The following USP2 variants were observed in gnomAD, a reference collection of about 807,000 sequenced individuals.
The protein encoded by USP2 is ubiquitin specific peptidase 2, also known as ubiquitin carboxyl-terminal hydrolase 2.
In USP2, 33 loss-of-function variants were observed where a neutral mutation model predicts 72.0. The observed-to-expected ratio is 0.46, with a 90% CI of 0.35 to 0.61. The LOEUF is 0.61. USP2 is among the 20% of genes least tolerant of loss of function. The probability of loss-of-function intolerance (pLI) is 0.01; values close to 1 mark genes in which losing one functional copy is unlikely to be tolerated. For missense variants in USP2, 691 were observed against 797.8 expected, an observed-to-expected ratio of 0.87 and a Z score of 1.61; for synonymous variants, 296 against 312.5, an observed-to-expected ratio of 0.95 and a Z score of 0.56.
At chr11:119,360,457 G>T (rs1355644935) in intron 2 of USP2, 8 of 599,380 alleles carry the variant, frequency 1.3e-5, no homozygotes, top group South Asian at 1.1e-4. Flanking sequence ...GGAATCTCAC[G>T]CTGTCACCCA....
intron 4 of USP2, 38 bp downstream of exon 4, chr11:119,359,499 C>T (rs765852095): frequency 1.2e-5 from 19 of 1,611,452 alleles, no homozygotes; most frequent in African/African-American, 4.0e-5. Flanking sequence ...GAGGAGCATC[C>T]GGGGGTAGGC....
chr11:119,356,786 A>T lies in USP2; in HGVS notation c.*49T>A. 6.7e-7 allele frequency: 1 copy of T among 1,486,764 alleles called. No individual in the cohort carries two copies. The highest frequency in any genetic ancestry group is 9.0e-7 in the Non-Finnish European group (1 of 1,110,428). 92.1% of individuals were successfully genotyped at this position (1,486,764 alleles called of 1,614,324 possible). A position where few individuals can be genotyped will look rare whatever the true frequency, so the allele number is the denominator to read the frequency against. ...TTGTTTTTGTCTTTTTAAAAAATTTAGGGAGCGGGGCCACCACGGGGAAGG... is the reference window on the plus strand; with the variant it reads ...TTGTTTTTGTCTTTTTAAAAAATTTTGGGAGCGGGGCCACCACGGGGAAGG... On this transcript the variant is annotated 3_prime_UTR_variant, in exon 13 of 13. Transcript: ENST00000260187.
rs112316573 is a variant in USP2 at position 119,366,014 on chromosome 11, C to T, written c.775-5780G>A. ...GGTTCAAACAATTCTCCTGCCTCAG[C>T]TTCCTGAGTAGCTGGGATTACAGGT... On this transcript the variant is annotated intron_variant, in intron 2 of 12. Transcript: ENST00000260187. Among the ~76,000 whole-genome samples, 1,294 of 152,044 alleles carry T rather than the reference C, an allele frequency of 8.5e-3. 19 individuals carry two copies. Among genetic ancestry groups the T allele is most frequent in the African/African-American group, 0.03 (1,227 of 41,424 alleles).
chr11:119,372,692 CA>C lies in USP2; in HGVS notation c.774+14del. ...GCCTCCCCAGCCTATCCCCGGTCCC[CA>C]AGGGTAAACTCACCATGCCGTCTCT... On this transcript the variant is annotated intron_variant, in intron 2 of 12. Coordinates refer to ENST00000260187, the MANE Select transcript of USP2 (RefSeq NM_004205.5). 6.6e-7 allele frequency: 1 copy of C among 1,510,678 alleles called. No homozygotes were observed. Among genetic ancestry groups the C allele is most frequent in the Non-Finnish European group, 8.8e-7 (1 of 1,133,982 alleles). The allele number at this position is 1,510,678 out of a possible 1,614,324, so 93.6% of individuals were successfully genotyped here.
chr11:119,364,858 A>C (rs936758135), intron 2 of USP2, among the ~76,000 whole-genome samples: 2 of 152,192 alleles, frequency 1.3e-5, no homozygotes, highest in Non-Finnish European at 2.9e-5. Flanking sequence ...TTGGCTCCTG[A>C]AAAGAACCTT....
intron 1 of USP2, among the ~76,000 whole-genome samples, chr11:119,375,451 T>C (rs1950988852): frequency 6.6e-6 from 1 of 152,204 alleles, no homozygotes; most frequent in East Asian, 1.9e-4. Context: ...TGGCCCTTCA[T>C]GTACACTCCT....
chr11:119,357,561 G>A lies in USP2; in HGVS notation c.1531C>T (p.Arg511Ter). The change falls in exon 11 of 13, where the codon CGA becomes TGA. Residue 511 changes from arginine to a stop codon, truncating the protein, a stop_gained. Coordinates refer to ENST00000260187, the MANE Select transcript of USP2 (RefSeq NM_004205.5). LOFTEE classifies it high-confidence loss of function. ...HLKRFSESRIRTSKLTTFVNF... is the reference protein window; with the variant it reads ...HLKRFSESRI ...ACAAATGTTGTGAGCTTGCTGGTTCGGATCCTGGATTCTGAGAACCGCTTC... is the reference window on the plus strand; with the variant it reads ...ACAAATGTTGTGAGCTTGCTGGTTCAGATCCTGGATTCTGAGAACCGCTTC... 6.2e-7 allele frequency: 1 copy of A among 1,614,160 alleles called. No individual in the cohort carries two copies. The highest frequency in any genetic ancestry group is 1.1e-5 in the South Asian group (1 of 91,086).
Position 119,359,605 on chromosome 11 carries a change from T to A in USP2, c.881A>T (p.Tyr294Phe), listed in dbSNP as rs1453868910. The change falls in exon 4 of 13, where the codon TAC becomes TTC. Residue 294 changes from tyrosine to phenylalanine, a missense_variant. By Grantham distance (22) the Tyr-to-Phe change is conservative (BLOSUM62 3). Transcript: ENST00000260187. Reference protein sequence around the residue: ...CLSNTRELRDYCLQRLYMRDL... With the variant: ...CLSNTRELRDFCLQRLYMRDL... The stretch of plus-strand genomic sequence containing the variant: ...CCGCATGTAGAGCCTCTGGAGGCAG[T>A]AATCTCTCAACTCCCGAGTGTTGCT... 15 of 1,613,896 alleles carry A rather than the reference T, an allele frequency of 9.3e-6. No individual in the cohort carries two copies. Among genetic ancestry groups the A allele is most frequent in the Non-Finnish European group, 1.3e-5 (15 of 1,180,030 alleles).
intron 2 of USP2, among the ~76,000 whole-genome samples, chr11:119,369,884 A>G (rs1185230324): frequency 6.6e-6 from 1 of 152,136 alleles, no homozygotes; most frequent in African/African-American, 2.4e-5. Flanking sequence ...TACCTATTTA[A>G]GAACTTCTTC....
intron 2 of USP2, chr11:119,364,174 C>T (rs1229752883): frequency 9.2e-6 from 11 of 1,193,184 alleles, no homozygotes; most frequent in Non-Finnish European, 1.1e-5. Context: ...GCGCCGCCAA[C>T]AGCCCGGGTC....
At chr11:119,363,803 G>A in intron 2 of USP2, 3 of 1,351,358 alleles carry the variant, frequency 2.2e-6, no homozygotes, top group Non-Finnish European at 2.9e-6. Flanking sequence ...GAGAAGGCGG[G>A]ACCCCAGGCC....
Position 119,359,604 on chromosome 11 carries a change from G to T in USP2, c.882C>A (p.Tyr294Ter), listed in dbSNP as rs758120561. 15 of 1,613,910 alleles carry T rather than the reference G, an allele frequency of 9.3e-6. No individual in the cohort carries two copies. The highest frequency in any genetic ancestry group is 1.3e-5 in the Non-Finnish European group (15 of 1,180,026). ...CLSNTRELRDYCLQRLYMRDL... is the reference protein window; with the variant it reads ...CLSNTRELRD ...CCCGCATGTAGAGCCTCTGGAGGCA[G>T]TAATCTCTCAACTCCCGAGTGTTGC... is the stretch of plus-strand genomic sequence containing the variant. Residue 294 changes from tyrosine (Y) to a stop codon, truncating the protein, a stop_gained, in exon 4 of 13, where the codon TAC (tyrosine) becomes TAA (stop). Coordinates refer to ENST00000260187, the MANE Select transcript of USP2 (RefSeq NM_004205.5). LOFTEE classifies it high-confidence loss of function.
intron 2 of USP2, among the ~76,000 whole-genome samples, chr11:119,365,165 A>G (rs765905776): frequency 1.3e-5 from 2 of 152,190 alleles, no homozygotes; most frequent in African/African-American, 4.8e-5. Context: ...GCATTTAAAA[A>G]TACTCCAAGA....
At chr11:119,376,203 G>A in intron 1 of USP2, 1 of 985,610 alleles carries the variant, frequency 1.0e-6, no homozygotes. Context: ...CACAGCCTGG[G>A]TTGGTGCCCC....
In USP2 at chr11:119,358,668, C is replaced by T; in HGVS notation, c.1237+105G>A. The T allele has an allele frequency of 2.2e-6, 3 of 1,361,848 alleles. No homozygotes were observed. The South Asian group carries it at 3.5e-5, about 16-fold the overall frequency. 84.4% of individuals were successfully genotyped at this position (1,361,848 alleles called of 1,614,324 possible). A position where few individuals can be genotyped will look rare whatever the true frequency, so the allele number is the denominator to read the frequency against. On this transcript the variant is annotated intron_variant, in intron 7 of 12. Transcript: ENST00000260187. ...CTGCTTTGCTTTGTTGAACACTAGG[C>T]AGAAACAGGCTTCCCCGGGAGAGTG...
intron 2 of USP2, among the ~76,000 whole-genome samples, chr11:119,370,124 G>A (rs923755568): frequency 2.0e-5 from 3 of 152,092 alleles, no homozygotes; most frequent in Admixed American, 6.6e-5. Flanking sequence ...GTAGTGAGCC[G>A]AGATCGCACC....
intron 7 of USP2, 123 bp downstream of exon 7, chr11:119,358,650 G>T: frequency 8.4e-7 from 1 of 1,184,420 alleles, no homozygotes; most frequent in Non-Finnish European, 1.2e-6. Flanking sequence ...TTCCTGCTTT[G>T]CTTTGTTGAA....
chr11:119,357,216 T>G lies in USP2; in HGVS notation c.1701A>C (p.Thr567=), dbSNP rs780724178. Residue 567 remains threonine (T), a synonymous_variant, in exon 12 of 13, where the codon ACA becomes ACC. Transcript: ENST00000260187. The part of the protein sequence containing the change: ...HYTAYCRSPG[T]GEWHTFNDSS... ...AGTCGTTGAAAGTGTGCCATTCTCC[T>G]GTCCCTGGACTGCGACAGTAGGCTG... The G allele has an allele frequency of 1.2e-6, 2 of 1,613,296 alleles. No individual in the cohort carries two copies. Among genetic ancestry groups the G allele is most frequent in the East Asian group, 4.5e-5 (2 of 44,800 alleles).
chr11:119,375,489 AC>A, intron 1 of USP2, among the ~76,000 whole-genome samples: 1 of 151,310 alleles, frequency 6.6e-6, no homozygotes, highest in African/African-American at 2.4e-5. Flanking sequence ...CACAACTTTC[AC>A]CCCTTTCTAG....
Sources: allele counts gnomAD v4.1 joint callset (sites outside exome capture counted in the v4.1 genomes callset), GRCh38; gene constraint gnomAD v4.1.1; transcripts MANE v1.5; gene names NCBI Gene and HGNC (gene_info 2026-07-23, HGNC 2026-07-21).